Variants in TUT4 observed in about 807,000 individuals in gnomAD.
The protein encoded by TUT4 is terminal uridylyl transferase 4, also known as terminal uridylyltransferase 4.
Under a neutral mutation model 192.2 loss-of-function variants are expected in TUT4, and 36 were observed. That is an observed-to-expected ratio of 0.19 (90% CI 0.14 to 0.25). The LOEUF is 0.25. TUT4 is among the 10% of genes least tolerant of loss of function. TUT4 has a pLI of 1.00. For missense variants in TUT4, 1,493 were observed against 1,957.2 expected, an observed-to-expected ratio of 0.76 and a Z score of 4.47; for synonymous variants, 618 against 666.0, an observed-to-expected ratio of 0.93 and a Z score of 1.11.
chr1:52,513,724 C>T (rs1029760685), intron 3 of TUT4, among the ~76,000 whole-genome samples: 2 of 152,168 alleles, frequency 1.3e-5, no homozygotes, highest in Admixed American at 1.3e-4. Context: ...TTTCCTGCTT[C>T]ACTCCTATGT....
rs747311297 is a variant in TUT4, at chr1:52,515,887, A to G, written c.882+4T>C. 13 of 1,613,770 alleles carry G rather than the reference A, an allele frequency of 8.1e-6. No homozygotes were observed. The highest frequency in any genetic ancestry group is 1.0e-5 in the Non-Finnish European group (12 of 1,179,948). ...CCCCAAATAACTAAAACAACATAGT[A>G]TACTTTTTCAAGTCGAAAGATGTGA... On this transcript the variant is annotated splice_donor_region_variant and intron_variant, in intron 3 of 29. Transcript: ENST00000257177.
rs76097847 is a variant in TUT4 at position 52,452,823 on chromosome 1, G to A, written c.3435+5513C>T. Among the ~76,000 whole-genome samples the A allele has an allele frequency of 4.7e-3, 722 of 152,262 alleles. 27 individuals carry two copies. In the East Asian group the frequency reaches 0.076, roughly 16 times the overall value. On this transcript the variant is annotated intron_variant, in intron 20 of 29. Transcript: ENST00000257177. ...CAAATTAATCAAACCCAAAGAGGTC[G>A]TCATAGGAACCCAAACTTTAAGCTG...
chr1:52,545,396 T>C (rs934147390), intron 1 of TUT4, among the ~76,000 whole-genome samples: 1 of 144,562 alleles, frequency 6.9e-6, no homozygotes, highest in Non-Finnish European at 1.5e-5. Flanking sequence ...AAAAAAAAAG[T>C]AACCCCACAG....
intron 1 of TUT4, among the ~76,000 whole-genome samples, chr1:52,546,340 T>C (rs1305750606): frequency 6.6e-6 from 1 of 152,174 alleles, no homozygotes; most frequent in African/African-American, 2.4e-5. Context: ...ATGTGATATA[T>C]CTATACAATG....
intron 1 of TUT4, among the ~76,000 whole-genome samples, chr1:52,547,049 C>T (rs138412501): frequency 0.011 from 1,644 of 151,364 alleles, 9 homozygotes; most frequent in Non-Finnish European, 0.015. Flanking sequence ...GAGGCTAAGG[C>T]AGGAGGATCG....
chr1:52,490,088 G>A (rs948635624), intron 8 of TUT4, among the ~76,000 whole-genome samples: 12 of 150,508 alleles, frequency 8.0e-5, no homozygotes, highest in Admixed American at 7.3e-4. Context: ...CTCATTCAAT[G>A]TAAGTGAAAT....
chr1:52,473,003 A>C (rs867410634), intron 13 of TUT4, among the ~76,000 whole-genome samples: 1 of 152,294 alleles, frequency 6.6e-6, no homozygotes, highest in African/African-American at 2.4e-5. Flanking sequence ...ACCTTTTCAA[A>C]GCTTTTTTTA....
At chr1:52,504,401 G>A (rs1674955000) in intron 4 of TUT4, among the ~76,000 whole-genome samples, 1 of 152,100 alleles carries the variant, frequency 6.6e-6, no homozygotes, top group African/African-American at 2.4e-5. Context: ...GGAGGCTGAC[G>A]CGGGTGGATC....
chr1:52,527,191 C>T (rs990139844), intron 1 of TUT4, among the ~76,000 whole-genome samples: 2 of 152,170 alleles, frequency 1.3e-5, no homozygotes, highest in Non-Finnish European at 2.9e-5. Flanking sequence ...TATGGGAAAA[C>T]AATAGACTTT....
intron 15 of TUT4, among the ~76,000 whole-genome samples, chr1:52,466,956 C>A (rs567988271): frequency 2.6e-4 from 40 of 151,854 alleles, no homozygotes; most frequent in Admixed American, 4.6e-4. Flanking sequence ...TGTAAGCCAC[C>A]GCACCTGGCC....
intron 2 of TUT4, among the ~76,000 whole-genome samples, chr1:52,519,020 AATAT>A (rs1182470214): frequency 6.6e-6 from 1 of 152,202 alleles, no homozygotes; most frequent in Non-Finnish European, 1.5e-5. Context: ...TCCATTTCTA[AATAT>A]ATATACTGAA....
chr1:52,483,607 C>T (rs1416752394), intron 9 of TUT4, among the ~76,000 whole-genome samples: 2 of 151,898 alleles, frequency 1.3e-5, no homozygotes, highest in African/African-American at 4.8e-5. Flanking sequence ...GTCAGGAGTT[C>T]GAGACCAGCC....
chr1:52,508,474 T>C (rs1676235192), intron 4 of TUT4, among the ~76,000 whole-genome samples: 1 of 152,222 alleles, frequency 6.6e-6, no homozygotes, highest in Non-Finnish European at 1.5e-5. Context: ...AGTTCATTTG[T>C]TGTTTTCAAG....
At chr1:52,494,249 A>T (rs545327266) in intron 6 of TUT4, among the ~76,000 whole-genome samples, 7 of 152,316 alleles carry the variant, frequency 4.6e-5, no homozygotes, top group African/African-American at 1.7e-4. Context: ...ACAAAAGAGA[A>T]ATGAGTTGAC....
intron 1 of TUT4, among the ~76,000 whole-genome samples, chr1:52,538,303 T>A (rs1012664994): frequency 7.2e-5 from 11 of 152,074 alleles, no homozygotes; most frequent in Non-Finnish European, 1.5e-5. Context: ...CAGCAGAATA[T>A]ACATTCTATC....
At chr1:52,482,979 C>T (rs981488594) in intron 9 of TUT4, among the ~76,000 whole-genome samples, 1 of 152,084 alleles carries the variant, frequency 6.6e-6, no homozygotes. Flanking sequence ...TGTTAAGAAT[C>T]GTTTTTCCAA....
rs1670954300 is a variant in TUT4 at position 52,490,751 on chromosome 1, C to A, written c.1369G>T (p.Val457Leu). Reference sequence around the variant, plus strand: ...ACCAACCTTTTTCGATCTCTGCACACCACAACAGGAACTTTAGCGTGAAAA... The same window carrying A: ...ACCAACCTTTTTCGATCTCTGCACAACACAACAGGAACTTTAGCGTGAAAA... ...SDFHAKVPVV[V>L]CRDRKSGLLC... The change falls in exon 8 of 30, where the codon GTG becomes TTG. Residue 457 changes from valine (V) to leucine (L), a missense_variant. Physicochemically the swap from Val to Leu is conservative, Grantham distance 32 (BLOSUM62 1). This residue lies in a region of TUT4 where 437 missense variants were observed against 577.6 expected (regional missense o/e 0.76). Transcript: ENST00000257177. 6.2e-7 allele frequency: 1 copy of A among 1,612,216 alleles called. No homozygotes were observed. The highest frequency in any genetic ancestry group is 8.5e-7 in the Non-Finnish European group (1 of 1,179,356).
At chr1:52,536,474 T>C (rs949059806) in intron 1 of TUT4, among the ~76,000 whole-genome samples, 13 of 152,082 alleles carry the variant, frequency 8.5e-5, no homozygotes, top group Middle Eastern at 3.2e-3. Flanking sequence ...AAAAAACATA[T>C]GGAAAAGAAA....
chr1:52,430,609 A>G (rs1651759585), intron 28 of TUT4, among the ~76,000 whole-genome samples: 1 of 152,210 alleles, frequency 6.6e-6, no homozygotes, highest in Non-Finnish European at 1.5e-5. Flanking sequence ...CCATGACAGT[A>G]AGACAGTGAA....
Sources: gnomAD v4.1 joint callset for allele counts (sites outside exome capture counted in the v4.1 genomes callset) on GRCh38, gnomAD v4.1.1 for gene constraint, gnomAD v4.1.1 regional missense constraint, MANE v1.5 for transcripts, NCBI Gene and HGNC (gene_info 2026-07-23, HGNC 2026-07-21) for gene names.